NACC1: variants seen among roughly 807,000 people sequenced by gnomAD.
The protein encoded by NACC1 is nucleus accumbens associated 1, also known as nucleus accumbens-associated protein 1.
In NACC1, 6 loss-of-function variants were observed where a neutral mutation model predicts 41.7. The observed-to-expected ratio is 0.14, with a 90% confidence interval of 0.08 to 0.28. NACC1 has a LOEUF of 0.28. Among genes scored for constraint, NACC1 ranks in the 10% least tolerant of loss-of-function variants. NACC1 has a pLI of 1.00. For synonymous variants in NACC1, 338 were observed against 330.6 expected (o/e 1.02, Z -0.24); for missense variants, 434 against 763.7 (o/e 0.57, Z 5.09).
intron 1 of NACC1, among the ~76,000 whole-genome samples, chr19:13,126,861 A>G (rs932453556): frequency 2.6e-5 from 4 of 151,984 alleles, no homozygotes; most frequent in African/African-American, 9.7e-5. Flanking sequence ...GTACCTGGCC[A>G]GGTCCTAGGG....
At chr19:13,121,095 T>C (rs1036840325) in intron 1 of NACC1, among the ~76,000 whole-genome samples, 1 of 152,028 alleles carries the variant, frequency 6.6e-6, no homozygotes, top group Non-Finnish European at 1.5e-5. Flanking sequence ...TGTAGCAAAG[T>C]GAAGTCATTA....
chr19:13,126,910 T>TGCCCCAGGGAAACTGACATGAA (rs2145615712), intron 1 of NACC1, among the ~76,000 whole-genome samples: 1 of 152,098 alleles, frequency 6.6e-6, no homozygotes, highest in Non-Finnish European at 1.5e-5. Context: ...GCAAACTCCC[T>TGCCCCAGGGAAACTGACATGAA]GCCCCAGGGA....
Position 13,135,570 on chromosome 19 carries a change from C to T in NACC1, c.363C>T (p.Leu121=), listed in dbSNP as rs890857494. The change falls in exon 2 of 6, where the codon CTC becomes CTT. Residue 121 remains leucine, a synonymous_variant. Coordinates refer to ENST00000292431, the MANE Select transcript of NACC1 (RefSeq NM_052876.4). The part of the protein sequence containing the change: ...EIMEKGTEFF[L]KVSSPSCDSQ... ...TGGAGAAGGGCACCGAGTTCTTCCT[C>T]AAGGTGAGCTCCCCGAGCTGCGACT... 8 of 1,606,254 alleles carry T rather than the reference C, an allele frequency of 5.0e-6. No homozygotes were observed. The highest frequency in any genetic ancestry group is 5.9e-6 in the Non-Finnish European group (7 of 1,177,198).
chr19:13,136,509 C>T lies in NACC1; in HGVS notation c.1120+104C>T, dbSNP rs919688025. The stretch of plus-strand genomic sequence containing the variant: ...AGGAGCCCCCAGCACCTCAGTTTCC[C>T]TATCTGTGCTGTAGTGTTGGTAACA... On this transcript the variant is annotated intron_variant, in intron 3 of 5. Transcript: ENST00000292431. This position sits in a 1 kb window ranked among gnomAD's most constrained non-coding sequence, Gnocchi z 5.5. The T allele has an allele frequency of 3.0e-6, 4 of 1,347,952 alleles. No homozygotes were observed. Among genetic ancestry groups the T allele is most frequent in the African/African-American group, 1.5e-5 (1 of 68,054 alleles). The allele number at this position is 1,347,952 out of a possible 1,614,324, so 83.5% of individuals were successfully genotyped here.
At position 13,135,993 on chromosome 19, in the gene NACC1, C is replaced by G; in HGVS notation, c.786C>G (p.Thr262=). The G allele has an allele frequency of 6.2e-7, 1 of 1,612,510 alleles. No homozygotes were observed. Among genetic ancestry groups the G allele is most frequent in the Non-Finnish European group, 8.5e-7 (1 of 1,179,522 alleles). ...GTGGGCCCAGCACGTCGGAGCGGAC[C>G]AGCCCAGGCACCTCAAGCGCCTACA... ...VVSGPSTSER[T]SPGTSSAYTS... The change falls in exon 2 of 6, where the codon ACC becomes ACG. Residue 262 remains threonine (T), a synonymous_variant. Coordinates refer to ENST00000292431, the MANE Select transcript of NACC1 (RefSeq NM_052876.4).
intron 1 of NACC1, among the ~76,000 whole-genome samples, chr19:13,127,333 CAAAAAAAAAAA>C (rs59958429): frequency 2.5e-5 from 1 of 40,126 alleles, no homozygotes; most frequent in African/African-American, 1.1e-4. Flanking sequence ...ACGTCTCTAC[CAAAAAAAAAAA>C]AAAAAAAAAG....
In NACC1 at chr19:13,138,539, C is replaced by T. The variant is rs936355265; in HGVS notation, c.*133C>T. The T allele has an allele frequency of 7.5e-6, 10 of 1,329,780 alleles. No individual in the cohort carries two copies. Among genetic ancestry groups the T allele is most frequent in the Non-Finnish European group, 3.1e-6 (3 of 981,918 alleles). 82.4% of individuals were successfully genotyped at this position (1,329,780 alleles called of 1,614,324 possible). Reference sequence around the variant, plus strand: ...TGCTGCATGTTCCCGGCCCTCTGCCCCTCCTGTCCTACCCCCTTTCCCCAC... The same window carrying T: ...TGCTGCATGTTCCCGGCCCTCTGCCTCTCCTGTCCTACCCCCTTTCCCCAC... On this transcript the variant is annotated 3_prime_UTR_variant, in exon 6 of 6. Transcript: ENST00000292431. This position sits in a 1 kb window ranked among gnomAD's most constrained non-coding sequence, Gnocchi z 5.7.
At position 13,136,308 on chromosome 19, in the gene NACC1, G is replaced by A. The variant is rs750723673; in HGVS notation, c.1023G>A (p.Ala341=). 13 of 1,613,972 alleles carry A rather than the reference G, an allele frequency of 8.1e-6. No individual in the cohort carries two copies. Among genetic ancestry groups the A allele is most frequent in the African/African-American group, 8.0e-5 (6 of 74,906 alleles). The part of the protein sequence containing the change: ...RNRIRVRQDL[A]SLPAELINQI... Reference sequence around the variant, plus strand: ...GCATCCGGGTTCGGCAAGACCTGGCGTCTCTCCCGGCTGAACTTATCAACC... The same window carrying A: ...GCATCCGGGTTCGGCAAGACCTGGCATCTCTCCCGGCTGAACTTATCAACC... The change falls in exon 3 of 6, where the codon GCG becomes GCA. Residue 341 remains alanine (A), a synonymous_variant. Coordinates refer to ENST00000292431, the MANE Select transcript of NACC1 (RefSeq NM_052876.4). This position sits in a 1 kb window ranked among gnomAD's most constrained non-coding sequence, Gnocchi z 5.5.
chr19:13,133,610 C>T (rs1009645584), intron 1 of NACC1, among the ~76,000 whole-genome samples: 2 of 152,154 alleles, frequency 1.3e-5, no homozygotes, highest in East Asian at 3.8e-4. Flanking sequence ...AATTTCCTTT[C>T]TTTTTATAGC....
intron 1 of NACC1, among the ~76,000 whole-genome samples, chr19:13,123,242 C>G (rs1234723762): frequency 6.6e-6 from 1 of 152,170 alleles, no homozygotes; most frequent in Non-Finnish European, 1.5e-5. Context: ...CACTGCTGCC[C>G]TGTCTTTTGG....
chr19:13,125,618 CTG>C (rs2019552495), intron 1 of NACC1, among the ~76,000 whole-genome samples: 1 of 152,002 alleles, frequency 6.6e-6, no homozygotes, highest in Non-Finnish European at 1.5e-5. Flanking sequence ...CGGGGTTTCA[CTG>C]TGTTGCCCAG....
chr19:13,128,913 T>G (rs541766714), intron 1 of NACC1, among the ~76,000 whole-genome samples: 1 of 152,370 alleles, frequency 6.6e-6, no homozygotes, highest in South Asian at 2.1e-4. Flanking sequence ...CCAGCTGCCC[T>G]GTGGCCTCCT....
At position 13,138,858 on chromosome 19, in the gene NACC1, T is replaced by C. The variant is rs2019745483; in HGVS notation, c.*452T>C. ...CAGGACCCCTCCCACCACCTCCCAGTGCTTCCACGTCTCCAAAAGCGCCTT... is the reference window on the plus strand; with the variant it reads ...CAGGACCCCTCCCACCACCTCCCAGCGCTTCCACGTCTCCAAAAGCGCCTT... On this transcript the variant is annotated 3_prime_UTR_variant, in exon 6 of 6. Transcript: ENST00000292431. This position sits in a 1 kb window ranked among gnomAD's most constrained non-coding sequence, Gnocchi z 5.7. 2 of 167,546 alleles carry C rather than the reference T, an allele frequency of 1.2e-5. No homozygotes were observed. Among genetic ancestry groups the C allele is most frequent in the Non-Finnish European group, 2.6e-5 (2 of 76,844 alleles). The allele number at this position is 167,546 out of a possible 1,614,324, so 10.4% of individuals were successfully genotyped here. A position where few individuals can be genotyped will look rare whatever the true frequency, so the allele number is the denominator to read the frequency against.
rs114745163 is a variant in NACC1, at chr19:13,129,364, C to A, written c.-8-5836C>A. Among the ~76,000 whole-genome samples the A allele has an allele frequency of 5.2e-3, 796 of 152,238 alleles. 11 individuals are homozygous for A. The highest frequency in any genetic ancestry group is 0.018 in the African/African-American group (767 of 41,538). ...TCCTCTGAGTCCAGTCATGCTAGCTCCCTTCCTGGGGCTAGCGTGGGTGAG... is the reference window on the plus strand; with the variant it reads ...TCCTCTGAGTCCAGTCATGCTAGCTACCTTCCTGGGGCTAGCGTGGGTGAG... On this transcript the variant is annotated intron_variant, in intron 1 of 5. Transcript: ENST00000292431.
chr19:13,123,555 A>G (rs1022688246), intron 1 of NACC1, among the ~76,000 whole-genome samples: 2 of 152,030 alleles, frequency 1.3e-5, no homozygotes, highest in Non-Finnish European at 2.9e-5. Context: ...GGAAAGGAAG[A>G]ATGAAAAGAA....
In NACC1 at chr19:13,138,293, A is replaced by G. The variant is rs2019734899; in HGVS notation, c.1471A>G (p.Thr491Ala). The change falls in exon 6 of 6, where the codon ACC becomes GCC. Residue 491 changes from threonine to alanine, a missense_variant. By Grantham distance (58) the Thr-to-Ala change is moderately conservative (BLOSUM62 0). Transcript: ENST00000292431. The surrounding 1 kb of genome is among the most constrained non-coding windows in gnomAD (Gnocchi z 5.7). ...VLKAEDDAYT[T>A]FISETGKIEP... ...CAAGGCTGAGGATGACGCCTACACCACCTTCATCAGTGAAACGGGCAAGAT... is the reference window on the plus strand; with the variant it reads ...CAAGGCTGAGGATGACGCCTACACCGCCTTCATCAGTGAAACGGGCAAGAT... 7 of 1,614,128 alleles carry G rather than the reference A, an allele frequency of 4.3e-6. No individual in the cohort carries two copies. The East Asian group carries it at 1.1e-4, about 26-fold the overall frequency.
chr19:13,127,733 G>T (rs1599989080), intron 1 of NACC1, among the ~76,000 whole-genome samples: 1 of 151,836 alleles, frequency 6.6e-6, no homozygotes, highest in Non-Finnish European at 1.5e-5. Flanking sequence ...TGTGGTCCCA[G>T]CTATTTGGGA....
intron 1 of NACC1, chr19:13,132,513 G>A (rs943256466): frequency 6.6e-6 from 1 of 151,182 alleles, no homozygotes; most frequent in African/African-American, 2.4e-5. Flanking sequence ...ATTTTTAGAT[G>A]ACCTCAGGAC....
intron 1 of NACC1, among the ~76,000 whole-genome samples, chr19:13,119,743 A>G (rs1281982484): frequency 1.3e-5 from 2 of 152,190 alleles, no homozygotes; most frequent in Non-Finnish European, 2.9e-5. Context: ...AGAAGAGTTA[A>G]GGGGATCAAA....
Sources: allele counts gnomAD v4.1 joint callset (sites outside exome capture counted in the v4.1 genomes callset), GRCh38; gene constraint gnomAD v4.1.1; non-coding constraint Gnocchi (gnomAD v3.1); transcripts MANE v1.5; gene names NCBI Gene and HGNC (gene_info 2026-07-23, HGNC 2026-07-21).